Variants in VWDE observed in about 807,000 individuals in gnomAD.
VWDE encodes the protein von Willebrand factor D and EGF domains.
A neutral mutation model predicts 178.4 loss-of-function variants in VWDE; 207 were observed. That is an observed-to-expected ratio of 1.16 (90% CI 1.04 to 1.30). The LOEUF is 1.30. Among genes scored for constraint, VWDE ranks in the 50% most tolerant of loss-of-function variants. VWDE has a pLI of 0.00. For missense variants in VWDE, 2,287 were observed against 1,901.3 expected (o/e 1.20, Z -3.77); for synonymous variants, 738 against 651.4 (o/e 1.13, Z -2.02).
At chr7:12,397,546 G>A (rs1256259696) in intron 1 of VWDE, among the ~76,000 whole-genome samples, 1 of 152,024 alleles carries the variant, frequency 6.6e-6, no homozygotes, top group African/African-American at 2.4e-5. Context: ...AAAAGCAGTT[G>A]CAAAAAACCT....
At position 12,331,206 on chromosome 7, in the gene VWDE, G is replaced by C. The variant is rs958214405; in HGVS notation, c.4759-9C>G. The C allele has an allele frequency of 4.5e-6, 7 of 1,539,110 alleles. No homozygotes were observed. The highest frequency in any genetic ancestry group is 6.1e-6 in the Non-Finnish European group (7 of 1,138,226). On this transcript the variant is annotated splice_polypyrimidine_tract_variant and intron_variant, in intron 28 of 28. Coordinates refer to ENST00000275358, the MANE Select transcript of VWDE (RefSeq NM_001135924.3). ...ACTCAATGGCGTCTTATCTGTAGTA[G>C]GAAGAAGGAAATTGTGTTTCAATGA... is the stretch of plus-strand genomic sequence containing the variant.
chr7:12,357,414 C>T lies in VWDE; in HGVS notation c.3376G>A (p.Asp1126Asn). The change falls in exon 17 of 29, where the codon GAC (aspartate) becomes AAC (asparagine). Residue 1126 changes from aspartate (D) to asparagine (N), a missense_variant. By Grantham distance (23) the Asp-to-Asn change is conservative. Coordinates refer to ENST00000275358, the MANE Select transcript of VWDE (RefSeq NM_001135924.3). ...QFVAFDPEGS[D>N]IHFTLDSGPE... is the part of the protein sequence containing the mutation. The stretch of plus-strand genomic sequence containing the variant: ...CCAGAGTCCAACGTAAAATGGATGT[C>T]AGAACCTTCTGGATCGAAGGCCACG... 2 of 1,551,974 alleles carry T rather than the reference C, an allele frequency of 1.3e-6. No homozygotes were observed. Among genetic ancestry groups the T allele is most frequent in the Non-Finnish European group, 1.7e-6 (2 of 1,147,070 alleles).
intron 28 of VWDE, among the ~76,000 whole-genome samples, 177 bp downstream of exon 28, chr7:12,333,288 T>C (rs1196458870): frequency 6.6e-6 from 1 of 152,142 alleles, no homozygotes; most frequent in Admixed American, 6.6e-5. Flanking sequence ...CATCAAAATT[T>C]TATATAATAA....
rs1296480889 is a variant in VWDE at position 12,357,292 on chromosome 7, G to A, written c.3498C>T (p.Cys1166=). 2.1e-5 allele frequency: 32 copies of A among 1,552,128 alleles called. No homozygotes were observed. The highest frequency in any genetic ancestry group is 2.5e-5 in the Non-Finnish European group (29 of 1,147,088). The stretch of plus-strand genomic sequence containing the variant: ...CAATCGTGACTCTAGTTTCAGCATC[G>A]CAGTCATCATTAAGGCGTACAGTAA... The part of the protein sequence containing the change: ...QQITVRLNDD[C]DAETRVTIEV... The change falls in exon 17 of 29, where the codon TGC becomes TGT. Residue 1166 remains cysteine (C), a synonymous_variant. Transcript: ENST00000275358.
intron 3 of VWDE, among the ~76,000 whole-genome samples, chr7:12,384,921 A>G (rs1784024299): frequency 6.6e-6 from 1 of 152,160 alleles, no homozygotes; most frequent in African/African-American, 2.4e-5. Context: ...AACTTCTCAT[A>G]GGCTACATAG....
chr7:12,363,773 AT>A (rs1782707189), intron 13 of VWDE, among the ~76,000 whole-genome samples: 1 of 152,034 alleles, frequency 6.6e-6, no homozygotes, highest in Non-Finnish European at 1.5e-5. Flanking sequence ...GAACTATAAT[AT>A]TTCATATACC....
intron 4 of VWDE, among the ~76,000 whole-genome samples, chr7:12,382,044 T>G (rs1783878081): frequency 6.6e-6 from 1 of 151,858 alleles, no homozygotes; most frequent in Non-Finnish European, 1.5e-5. Flanking sequence ...AAAATTAGTA[T>G]TCCTTTGTCA....
At chr7:12,334,246 A>T (rs1017440207) in intron 27 of VWDE, among the ~76,000 whole-genome samples, 28 of 152,186 alleles carry the variant, frequency 1.8e-4, no homozygotes, top group African/African-American at 5.5e-4. Context: ...TTTTTGTAGT[A>T]TTTATATTAT....
chr7:12,347,425 G>C (rs1042546645), intron 19 of VWDE, among the ~76,000 whole-genome samples: 2 of 151,934 alleles, frequency 1.3e-5, no homozygotes, highest in African/African-American at 4.8e-5. Flanking sequence ...GTATATATCA[G>C]AGATATCATA....
In VWDE at chr7:12,380,534, T is replaced by C; in HGVS notation, c.741A>G (p.Ala247=). 1 of 1,552,010 alleles carries C rather than the reference T, an allele frequency of 6.4e-7. No individual in the cohort carries two copies. The highest frequency in any genetic ancestry group is 8.7e-7 in the Non-Finnish European group (1 of 1,147,068). ...EELTQETTVQ[A]FSLLELDGIN... ...TGCCATCAAGTTCTAAAAGAGAGAA[T>C]GCCTGAACTGTGGTCTCTTGTGTCA... Residue 247 remains alanine, a synonymous_variant, in exon 5 of 29, where the codon GCA becomes GCG. Coordinates refer to ENST00000275358, the MANE Select transcript of VWDE (RefSeq NM_001135924.3).
intron 27 of VWDE, among the ~76,000 whole-genome samples, chr7:12,334,963 T>C (rs534392989): frequency 6.6e-6 from 1 of 152,280 alleles, no homozygotes; most frequent in East Asian, 1.9e-4. Context: ...TTAATAGTAC[T>C]TTCATATATT....
intron 26 of VWDE, 105 bp from the exon 27 acceptor site, chr7:12,336,341 G>T: frequency 1.1e-6 from 1 of 913,352 alleles, no homozygotes; most frequent in Non-Finnish European, 1.6e-6. Flanking sequence ...ATAGTTACAA[G>T]TAAGTGATTA....
In VWDE at chr7:12,377,850, G is replaced by T; in HGVS notation, c.950C>A (p.Pro317His). Residue 317 changes from proline (P) to histidine (H), a missense_variant, in exon 7 of 29, where the codon CCT (proline) becomes CAT (histidine). Transcript: ENST00000275358. ...EYYLRIESTV[P>H]IICSEFSELD... is the part of the protein sequence containing the mutation. ...CTCACTAAATTCAGAACAAATAATA[G>T]GAACTGTGCTTTCTATCCTCAGGTA... 1 of 1,527,910 alleles carries T rather than the reference G, an allele frequency of 6.5e-7. No individual in the cohort carries two copies. Among genetic ancestry groups the T allele is most frequent in the South Asian group, 1.3e-5 (1 of 78,264 alleles). The allele number at this position is 1,527,910 out of a possible 1,614,324, so 94.6% of individuals were successfully genotyped here.
chr7:12,394,316 T>TC (rs2128562933), intron 1 of VWDE, among the ~76,000 whole-genome samples: 1 of 121,642 alleles, frequency 8.2e-6, no homozygotes, highest in South Asian at 2.6e-4. Context: ...CAGAAAAACA[T>TC]TAAAAATTTT....
rs968790410 is a variant in VWDE, at chr7:12,346,199, C to A, written c.3887-1730G>T. On this transcript the variant is annotated intron_variant, in intron 19 of 28. Transcript: ENST00000275358. ...GTTAAATAGTATAAAAGTCAAAGTA[C>A]AATAATTTATTTCATTAAGATTTTG... Among the ~76,000 whole-genome samples, 2 of 152,028 alleles carry A rather than the reference C, an allele frequency of 1.3e-5. 1 individual carries two copies. The highest frequency in any genetic ancestry group is 1.3e-4 in the Admixed American group (2 of 15,232).
intron 19 of VWDE, among the ~76,000 whole-genome samples, chr7:12,350,736 T>C (rs1209504196): frequency 6.6e-6 from 1 of 152,126 alleles, no homozygotes; most frequent in Non-Finnish European, 1.5e-5. Context: ...GCCTTCTATG[T>C]TTCTGTTTAA....
At chr7:12,367,823 T>C (rs1782946001) in intron 12 of VWDE, among the ~76,000 whole-genome samples, 1 of 152,186 alleles carries the variant, frequency 6.6e-6, no homozygotes, top group African/African-American at 2.4e-5. Flanking sequence ...TTTGCCATTT[T>C]GGCTTGTGCC....
At chr7:12,332,893 A>G (rs1486133965) in intron 28 of VWDE, among the ~76,000 whole-genome samples, 2 of 152,186 alleles carry the variant, frequency 1.3e-5, no homozygotes, top group Non-Finnish European at 2.9e-5. Context: ...AGTGCTAAAT[A>G]GCATATAATG....
At chr7:12,403,632 C>G (rs1435690132) in intron 1 of VWDE, 27 bp downstream of exon 1, 2 of 1,531,526 alleles carry the variant, frequency 1.3e-6, no homozygotes, top group African/African-American at 1.4e-5. Context: ...ACTGCGCGCC[C>G]ACCCCCGCGC....
Sources: allele counts gnomAD v4.1 joint callset (sites outside exome capture counted in the v4.1 genomes callset), GRCh38; gene constraint gnomAD v4.1.1; transcripts MANE v1.5; gene names NCBI Gene and HGNC (gene_info 2026-07-23, HGNC 2026-07-21).